The following MRTFB variants were observed in gnomAD, a reference collection of about 807,000 sequenced individuals.
MRTFB encodes myocardin related transcription factor B, also known as myocardin-related transcription factor B.
In MRTFB, 29 loss-of-function variants were observed where a neutral mutation model predicts 104.2. The observed-to-expected ratio is 0.28, with a 90% CI of 0.21 to 0.38. The LOEUF (loss-of-function observed/expected upper bound fraction) is 0.38, where lower values mean the gene tolerates loss of function less well. MRTFB is among the 10% of genes least tolerant of loss of function. The pLI is 1.00. For synonymous variants in MRTFB, 535 were observed against 519.5 expected, an observed-to-expected ratio of 1.03 and a Z score of -0.41; for missense variants, 1,270 against 1,341.6, an observed-to-expected ratio of 0.95 and a Z score of 0.83.
intron 2 of MRTFB, among the ~76,000 whole-genome samples, chr16:14,112,939 C>G (rs2036352932): frequency 6.6e-6 from 1 of 152,196 alleles, no homozygotes; most frequent in Non-Finnish European, 1.5e-5. Context: ...TTCTTCAGCA[C>G]CTACCACAAT....
intron 2 of MRTFB, among the ~76,000 whole-genome samples, chr16:14,095,930 G>A (rs536557757): frequency 6.2e-4 from 95 of 152,226 alleles, no homozygotes; most frequent in African/African-American, 2.3e-3. Context: ...GATATAAATT[G>A]GGTATGATAT....
At chr16:14,007,783 C>T in the MRTFB span, among the ~76,000 whole-genome samples, 1 of 152,214 alleles carries the variant, frequency 6.6e-6, no homozygotes, top group Non-Finnish European at 1.5e-5. Context: ...AGTGGTATCT[C>T]ATCATCTCAT....
chr16:14,132,195 A>G (rs1567361847), intron 2 of MRTFB, among the ~76,000 whole-genome samples: 3 of 152,238 alleles, frequency 2.0e-5, no homozygotes, highest in African/African-American at 7.2e-5. Flanking sequence ...ATATTCTATG[A>G]TTCTATTTAT....
At chr16:14,138,020 A>G (rs1168934898) in intron 2 of MRTFB, among the ~76,000 whole-genome samples, 2 of 151,934 alleles carry the variant, frequency 1.3e-5, no homozygotes, top group Non-Finnish European at 2.9e-5. Flanking sequence ...TTTAGCTGAA[A>G]CTATTTGTAT....
At chr16:14,209,750 T>A (rs1331344265) in intron 3 of MRTFB, among the ~76,000 whole-genome samples, 1 of 152,184 alleles carries the variant, frequency 6.6e-6, no homozygotes, top group East Asian at 1.9e-4. Flanking sequence ...ATTTAGAAAT[T>A]TCCCTTTGAG....
intron 3 of MRTFB, among the ~76,000 whole-genome samples, chr16:14,197,160 AT>A (rs1389728875): frequency 6.6e-6 from 1 of 151,228 alleles, no homozygotes; most frequent in Non-Finnish European, 1.5e-5. Context: ...TGTATTTTTA[AT>A]AGGGGTTTCA....
chr16:14,032,366 G>A, the MRTFB span, among the ~76,000 whole-genome samples: 1 of 152,172 alleles, frequency 6.6e-6, no homozygotes, highest in African/African-American at 2.4e-5. Context: ...CACATGCAAG[G>A]TGCTAGGAGA....
At chr16:14,122,717 T>A (rs1184674175) in intron 2 of MRTFB, among the ~76,000 whole-genome samples, 5 of 152,308 alleles carry the variant, frequency 3.3e-5, no homozygotes, top group Admixed American at 1.3e-4. Flanking sequence ...TGGTTTCAAG[T>A]CTTTGCTATT....
At chr16:14,209,028 T>C (rs1315385512) in intron 3 of MRTFB, among the ~76,000 whole-genome samples, 1 of 152,158 alleles carries the variant, frequency 6.6e-6, no homozygotes, top group East Asian at 1.9e-4. Context: ...TATCAAACAA[T>C]GATAAAATAT....
In MRTFB at chr16:14,266,387, TTA is replaced by T. The variant is rs1320427202; in HGVS notation, c.*4945_*4946del. The stretch of plus-strand genomic sequence containing the variant: ...TTCTCTTCTTATTTTCATTGTCACA[TTA>T]TGTCTTAGCATCTCACTTTATGAAA... On this transcript the variant is annotated 3_prime_UTR_variant, in exon 17 of 17. Transcript: ENST00000571589. The T allele has an allele frequency of 2.6e-5, 4 of 152,198 alleles. No individual in the cohort carries two copies. Among genetic ancestry groups the T allele is most frequent in the Admixed American group, 6.5e-5 (1 of 15,282 alleles). 9.4% of individuals were successfully genotyped at this position (152,198 alleles called of 1,614,324 possible).
intron 13 of MRTFB, among the ~76,000 whole-genome samples, chr16:14,250,619 G>A (rs2043213305): frequency 6.6e-6 from 1 of 152,168 alleles, no homozygotes; most frequent in Non-Finnish European, 1.5e-5. Context: ...ATGGAAAGGG[G>A]GCCAGGTAGT....
chr16:14,028,345 G>A, the MRTFB span, among the ~76,000 whole-genome samples: 1 of 152,092 alleles, frequency 6.6e-6, no homozygotes, highest in Non-Finnish European at 1.5e-5. Flanking sequence ...CCTCCCCCAG[G>A]TCCCATGGCC....
chr16:14,005,004 ACT>A, the MRTFB span, among the ~76,000 whole-genome samples: 1 of 152,028 alleles, frequency 6.6e-6, no homozygotes, highest in African/African-American at 2.4e-5. Flanking sequence ...AAGGCATCCA[ACT>A]CTCTGTGCTC....
At chr16:14,021,570 C>T in the MRTFB span, among the ~76,000 whole-genome samples, 1 of 152,146 alleles carries the variant, frequency 6.6e-6, no homozygotes, top group Non-Finnish European at 1.5e-5. Context: ...TATCCCTCAT[C>T]CCCTTCCCAC....
intron 2 of MRTFB, among the ~76,000 whole-genome samples, chr16:14,096,117 TC>T (rs1345188444): frequency 6.6e-6 from 1 of 151,946 alleles, no homozygotes; most frequent in East Asian, 1.9e-4. Flanking sequence ...CGCTCTGTCT[TC>T]CAGGCTGCAG....
chr16:14,022,731 A>G, the MRTFB span, among the ~76,000 whole-genome samples: 3 of 144,760 alleles, frequency 2.1e-5, no homozygotes, highest in Non-Finnish European at 3.0e-5. Flanking sequence ...CATAGAAGTC[A>G]TTGCTAATAC....
chr16:14,246,226 T>G (rs1205449250), intron 11 of MRTFB, among the ~76,000 whole-genome samples: 2 of 152,172 alleles, frequency 1.3e-5, no homozygotes, highest in African/African-American at 4.8e-5. Flanking sequence ...CCTGGTAGTA[T>G]CTCTCTGCTT....
chr16:14,218,987 A>C lies in MRTFB; in HGVS notation c.682A>C (p.Thr228Pro). The C allele has an allele frequency of 6.2e-7, 1 of 1,610,184 alleles. No individual in the cohort carries two copies. The highest frequency in any genetic ancestry group is 8.5e-7 in the Non-Finnish European group (1 of 1,178,228). Residue 228 changes from threonine to proline, a missense_variant, in exon 8 of 17, where the codon ACT becomes CCT. Coordinates refer to ENST00000571589, the MANE Select transcript of MRTFB (RefSeq NM_001308142.2). Reference protein sequence around the residue: ...SESPSPVTTNTPAQFASVSPT... With the variant: ...SESPSPVTTNPPAQFASVSPT... The stretch of plus-strand genomic sequence containing the variant: ...ATCGCCATCTCCTGTGACTACAAAC[A>C]CTCCAGCGCAGGTATTATCTTTCTG...
intron 2 of MRTFB, among the ~76,000 whole-genome samples, chr16:14,136,894 T>C (rs2037750125): frequency 6.6e-6 from 1 of 152,240 alleles, no homozygotes; most frequent in South Asian, 2.1e-4. Context: ...GGATAAATGT[T>C]GGCTTTGTTT....
Sources: allele counts gnomAD v4.1 joint callset (sites outside exome capture counted in the v4.1 genomes callset), GRCh38; gene constraint gnomAD v4.1.1; transcripts MANE v1.5; gene names NCBI Gene and HGNC (gene_info 2026-07-23, HGNC 2026-07-21).